The following THSD1 variants were observed in gnomAD, a reference collection of about 807,000 sequenced individuals.
THSD1 encodes thrombospondin type-1 domain-containing protein 1.
Under a neutral mutation model 46.3 loss-of-function variants are expected in THSD1, and 34 were observed. The observed-to-expected ratio is 0.74, with a 90% CI of 0.56 to 0.98. THSD1 has a LOEUF of 0.98. Ranked by LOEUF, THSD1 falls within the 50% of genes least tolerant of loss-of-function variation. The pLI is 0.00. For synonymous variants in THSD1, 407 were observed against 416.5 expected, an observed-to-expected ratio of 0.98 and a Z score of 0.28; for missense variants, 1,023 against 1,058.3, an observed-to-expected ratio of 0.97 and a Z score of 0.46.
chr13:52,382,419 C>A (rs1315261856), intron 4 of THSD1, among the ~76,000 whole-genome samples: 1 of 152,126 alleles, frequency 6.6e-6, no homozygotes, highest in Non-Finnish European at 1.5e-5. Flanking sequence ...TGCTGCCATG[C>A]CTAACCTTCT....
chr13:52,378,199 A>C lies in THSD1; in HGVS notation c.1771T>G (p.Phe591Val). The C allele has an allele frequency of 6.2e-7, 1 of 1,614,154 alleles. No homozygotes were observed. Among genetic ancestry groups the C allele is most frequent in the Non-Finnish European group, 8.5e-7 (1 of 1,180,030 alleles). The change falls in exon 5 of 5, where the codon TTT (phenylalanine) becomes GTT (valine). Residue 591 changes from phenylalanine to valine, a missense_variant. By Grantham distance (50) the Phe-to-Val change is conservative. This residue lies in a region of THSD1 where 578 missense variants were observed against 497.4 expected (regional missense o/e 1.16). Coordinates refer to ENST00000258613, the MANE Select transcript of THSD1 (RefSeq NM_018676.4). Reference protein sequence around the residue: ...AANKFRIKSPFPEQPAVSAGE... With the variant: ...AANKFRIKSPVPEQPAVSAGE... ...GCACTGACCGCGGGCTGCTCCGGAA[A>C]TGGGGATTTGATCCGGAACTTGTTT...
Position 52,377,565 on chromosome 13 carries a change from C to T in THSD1, c.2405G>A (p.Ser802Asn). Residue 802 changes from serine (S) to asparagine (N), a missense_variant, in exon 5 of 5, where the codon AGC becomes AAC. Ser to Asn is a conservative substitution (Grantham distance 46, BLOSUM62 1). Around this residue, in one of 3 missense-constraint regions of THSD1, gnomAD observed 578 missense variants for 497.4 expected, o/e 1.16. Coordinates refer to ENST00000258613, the MANE Select transcript of THSD1 (RefSeq NM_018676.4). ...GGCAAACTCAGGGTGAGTGGGGAAG[C>T]TTTGACACTTGTCTTTTCTACACTG... ...PSQCRKDKCQ[S>N]FPTHPEFAFY... 6.2e-7 allele frequency: 1 copy of T among 1,600,548 alleles called. No homozygotes were observed. Among genetic ancestry groups the T allele is most frequent in the East Asian group, 2.2e-5 (1 of 44,608 alleles).
rs761132962 is a variant in THSD1 at position 52,378,213 on chromosome 13, C to T, written c.1757G>A (p.Arg586Gln). 13 of 1,614,050 alleles carry T rather than the reference C, an allele frequency of 8.1e-6. No individual in the cohort carries two copies. The highest frequency in any genetic ancestry group is 1.7e-5 in the Admixed American group (1 of 59,996). Reference sequence around the variant, plus strand: ...CTGCTCCGGAAATGGGGATTTGATCCGGAACTTGTTTGCTGCAGCTTCTTC... The same window carrying T: ...CTGCTCCGGAAATGGGGATTTGATCTGGAACTTGTTTGCTGCAGCTTCTTC... ...SPEEAAANKF[R>Q]IKSPFPEQPA... is the part of the protein sequence containing the mutation. Residue 586 changes from arginine (R) to glutamine (Q), a missense_variant, in exon 5 of 5, where the codon CGG becomes CAG. Physicochemically the swap from Arg to Gln is conservative, Grantham distance 43. Around this residue, in one of 3 missense-constraint regions of THSD1, gnomAD observed 578 missense variants for 497.4 expected, o/e 1.16. Transcript: ENST00000258613.
In THSD1 at chr13:52,398,063, A is replaced by G; in HGVS notation, c.190T>C (p.Leu64=). The G allele has an allele frequency of 6.2e-7, 1 of 1,614,190 alleles. No individual in the cohort carries two copies. Among genetic ancestry groups the G allele is most frequent in the Non-Finnish European group, 8.5e-7 (1 of 1,180,038 alleles). The change falls in exon 3 of 5, where the codon TTG becomes CTG. Residue 64 remains leucine, a synonymous_variant. Coordinates refer to ENST00000258613, the MANE Select transcript of THSD1 (RefSeq NM_018676.4). ...GTLRNVSVLL[L]EANTNQTVTT... is the part of the protein sequence containing the mutation. ...ACAGTCTGATTGGTGTTGGCCTCCAACAGCAGGACAGATACATTCCTCAGT... is the reference window on the plus strand; with the variant it reads ...ACAGTCTGATTGGTGTTGGCCTCCAGCAGCAGGACAGATACATTCCTCAGT...
At position 52,386,038 on chromosome 13, in the gene THSD1, C is replaced by G. The variant is rs1002641315; in HGVS notation, c.1170G>C (p.Glu390Asp). Residue 390 changes from glutamate (E) to aspartate (D), a missense_variant, in exon 4 of 5, where the codon GAG becomes GAC. Physicochemically the swap from Glu to Asp is conservative, Grantham distance 45. Transcript: ENST00000258613. Reference sequence around the variant, plus strand: ...AGCAAGAATACCTACCAGCACACTCCTCCAGGGAACACAGGGAGGCCTCCA... The same window carrying G: ...AGCAAGAATACCTACCAGCACACTCGTCCAGGGAACACAGGGAGGCCTCCA... ...MSLEASLCSL[E>D]ECAAFQPSSP... 6 of 1,613,758 alleles carry G rather than the reference C, an allele frequency of 3.7e-6. No homozygotes were observed. The African/African-American group carries it at 8.0e-5, about 22-fold the overall frequency.
chr13:52,404,654 C>A (rs1366382635), intron 1 of THSD1, among the ~76,000 whole-genome samples: 1 of 152,206 alleles, frequency 6.6e-6, no homozygotes, highest in Non-Finnish European at 1.5e-5. Context: ...CATCACATCA[C>A]TTGGGCAAGT....
intron 1 of THSD1, among the ~76,000 whole-genome samples, chr13:52,404,782 C>T (rs1957894119): frequency 6.6e-6 from 1 of 152,158 alleles, no homozygotes; most frequent in Non-Finnish European, 1.5e-5. Context: ...TTTGCTTCCA[C>T]GACAATAACA....
chr13:52,394,975 G>A (rs1957801013), intron 3 of THSD1, among the ~76,000 whole-genome samples: 1 of 152,212 alleles, frequency 6.6e-6, no homozygotes, highest in Admixed American at 6.5e-5. Flanking sequence ...GGTCATGGAA[G>A]AGTAACCCAA....
At position 52,378,039 on chromosome 13, in the gene THSD1, T is replaced by C. The variant is rs1283360368; in HGVS notation, c.1931A>G (p.His644Arg). The C allele has an allele frequency of 6.2e-7, 1 of 1,614,068 alleles. No homozygotes were observed. Among genetic ancestry groups the C allele is most frequent in the Non-Finnish European group, 8.5e-7 (1 of 1,180,052 alleles). Residue 644 changes from histidine to arginine, a missense_variant, in exon 5 of 5, where the codon CAT (histidine) becomes CGT (arginine). By Grantham distance (29) the His-to-Arg change is conservative. Coordinates refer to ENST00000258613, the MANE Select transcript of THSD1 (RefSeq NM_018676.4). ...GSRGGPSERS[H>R]ARNAHFRRTA... Reference sequence around the variant, plus strand: ...CCTCCTGAAATGGGCGTTCCTGGCATGGCTCCTTTCGGACGGGCCCCCTCT... The same window carrying C: ...CCTCCTGAAATGGGCGTTCCTGGCACGGCTCCTTTCGGACGGGCCCCCTCT...
intron 4 of THSD1, among the ~76,000 whole-genome samples, chr13:52,380,344 C>G (rs982768768): frequency 6.6e-6 from 1 of 151,792 alleles, no homozygotes; most frequent in Non-Finnish European, 1.5e-5. Flanking sequence ...ACTGCCCACT[C>G]TTTGTACTGT....
At chr13:52,398,864 G>C (rs1957831867) in intron 2 of THSD1, among the ~76,000 whole-genome samples, 1 of 152,158 alleles carries the variant, frequency 6.6e-6, no homozygotes, top group Non-Finnish European at 1.5e-5. Flanking sequence ...TGAAGAGAAA[G>C]CTTGATTTAA....
At chr13:52,403,589 C>T (rs539543242) in intron 1 of THSD1, among the ~76,000 whole-genome samples, 27 of 152,264 alleles carry the variant, frequency 1.8e-4, no homozygotes, top group African/African-American at 6.3e-4. Context: ...TCACGCCATT[C>T]TCCTGCCTCA....
At chr13:52,396,037 G>C (rs1254536401) in intron 3 of THSD1, among the ~76,000 whole-genome samples, 2 of 152,160 alleles carry the variant, frequency 1.3e-5, no homozygotes, top group African/African-American at 4.8e-5. Flanking sequence ...GCAGGAGGGT[G>C]GTTAAAGGGA....
At chr13:52,382,514 G>A (rs570438212) in intron 4 of THSD1, among the ~76,000 whole-genome samples, 7 of 152,200 alleles carry the variant, frequency 4.6e-5, no homozygotes, top group African/African-American at 1.2e-4. Flanking sequence ...TATTAATCCC[G>A]TTTACTTGGC....
At chr13:52,398,387 G>C (rs143633376) in intron 2 of THSD1, 193 bp from the exon 3 acceptor site, 1 of 654,424 alleles carries the variant, frequency 1.5e-6, no homozygotes, top group Admixed American at 6.3e-5. Flanking sequence ...CTCCCACCTC[G>C]CCCTCACGAA....
chr13:52,378,495 G>A lies in THSD1; in HGVS notation c.1475C>T (p.Thr492Ile), dbSNP rs746334791. The A allele has an allele frequency of 6.2e-7, 1 of 1,614,202 alleles. No individual in the cohort carries two copies. The highest frequency in any genetic ancestry group is 8.5e-7 in the Non-Finnish European group (1 of 1,180,048). Residue 492 changes from threonine (T) to isoleucine (I), a missense_variant, in exon 5 of 5, where the codon ACA becomes ATA. By Grantham distance (89) the Thr-to-Ile change is moderately conservative. Around this residue, in one of 3 missense-constraint regions of THSD1, gnomAD observed 578 missense variants for 497.4 expected, o/e 1.16. Transcript: ENST00000258613. Reference sequence around the variant, plus strand: ...CCGCCTGTAGGTCAGAGGGATGCCTGTGTCCCCTGGACTCCCCGTGGGCCC... The same window carrying A: ...CCGCCTGTAGGTCAGAGGGATGCCTATGTCCCCTGGACTCCCCGTGGGCCC... The part of the protein sequence containing the change: ...GDGPTGSPGD[T>I]GIPLTYRRSG...
intron 2 of THSD1, 33 bp from the exon 3 acceptor site, chr13:52,398,227 A>C (rs1340615867): frequency 6.3e-7 from 1 of 1,579,168 alleles, no homozygotes; most frequent in South Asian, 1.2e-5. Context: ...GGTTTTTAAA[A>C]GGTGCATTTG....
chr13:52,390,961 T>C (rs980852202), intron 3 of THSD1, among the ~76,000 whole-genome samples: 1 of 152,148 alleles, frequency 6.6e-6, no homozygotes, highest in Non-Finnish European at 1.5e-5. Context: ...AAAAATTATA[T>C]GTATATATAA....
At chr13:52,395,506 C>G (rs953811822) in intron 3 of THSD1, among the ~76,000 whole-genome samples, 7 of 152,094 alleles carry the variant, frequency 4.6e-5, no homozygotes, top group Non-Finnish European at 1.0e-4. Context: ...GCCAGGGAGA[C>G]ATCTGAGGGA....
Sources: allele counts gnomAD v4.1 joint callset (sites outside exome capture counted in the v4.1 genomes callset), GRCh38; gene constraint gnomAD v4.1.1; regional missense constraint gnomAD v4.1.1; transcripts MANE v1.5; gene names NCBI Gene and HGNC (gene_info 2026-07-23, HGNC 2026-07-21).